The following RNGTT variants were observed in gnomAD, a reference collection of about 807,000 sequenced individuals.
The protein encoded by RNGTT is mRNA-capping enzyme.
A neutral mutation model predicts 79.3 loss-of-function variants in RNGTT; 33 were observed. The ratio of observed to expected loss-of-function variants is 0.42; its 90% CI spans 0.32 to 0.56. The LOEUF is 0.56. Ranked by LOEUF, RNGTT falls within the 20% of genes least tolerant of loss-of-function variation. The probability of loss-of-function intolerance (pLI) is 0.17; values close to 1 mark genes in which losing one functional copy is unlikely to be tolerated. For missense variants in RNGTT, 497 were observed against 739.1 expected (o/e 0.67, Z 3.80); for synonymous variants, 222 against 235.9 (o/e 0.94, Z 0.54).
intron 13 of RNGTT, among the ~76,000 whole-genome samples, chr6:88,715,930 A>G (rs546643829): frequency 6.6e-6 from 1 of 152,110 alleles, no homozygotes; most frequent in African/African-American, 2.4e-5. Flanking sequence ...TCTAAAACAC[A>G]AAAAGCAATG....
At chr6:88,780,657 G>T (rs556289477) in intron 12 of RNGTT, among the ~76,000 whole-genome samples, 1 of 151,926 alleles carries the variant, frequency 6.6e-6, no homozygotes, top group Non-Finnish European at 1.5e-5. Flanking sequence ...GATATGTTAG[G>T]TGTAAACGTA....
At chr6:88,850,212 T>A (rs1336366842) in intron 9 of RNGTT, among the ~76,000 whole-genome samples, 4 of 152,030 alleles carry the variant, frequency 2.6e-5, no homozygotes, top group Admixed American at 2.0e-4. Flanking sequence ...AATTTTGTTA[T>A]ACACCAATTA....
rs895642731 is a variant in RNGTT at position 88,762,177 on chromosome 6, C to A, written c.1439+7597G>T. ...AAATCTAAGTGTGACGGTATGTCCA[C>A]AAATACAACCTGCGGTTATTTTCCA... On this transcript the variant is annotated intron_variant, in intron 13 of 15. Coordinates refer to ENST00000369485, the MANE Select transcript of RNGTT (RefSeq NM_003800.5). 2.0e-5 allele frequency among the ~76,000 whole-genome samples: 3 copies of A among 152,082 alleles called. No individual in the cohort carries two copies. In the South Asian group the frequency reaches 6.2e-4, roughly 32 times the overall value.
chr6:88,908,858 G>A (rs931206872), intron 4 of RNGTT, among the ~76,000 whole-genome samples: 1 of 152,156 alleles, frequency 6.6e-6, no homozygotes, highest in Non-Finnish European at 1.5e-5. Flanking sequence ...TGCCTGCCTG[G>A]CTGCTCCTGC....
intron 11 of RNGTT, among the ~76,000 whole-genome samples, chr6:88,832,928 GA>G (rs955662077): frequency 2.0e-5 from 3 of 152,168 alleles, no homozygotes; most frequent in African/African-American, 7.2e-5. Context: ...GGAAACAACA[GA>G]TGCTGGAGAG....
At chr6:88,906,318 AT>A (rs754560587) in intron 5 of RNGTT, 46 bp downstream of exon 5, 6 of 1,292,428 alleles carry the variant, frequency 4.6e-6, no homozygotes, top group Non-Finnish European at 6.5e-6. Flanking sequence ...TATCAATAAA[AT>A]TTTTTATTAC....
At chr6:88,943,497 G>A (rs1784913725) in intron 1 of RNGTT, among the ~76,000 whole-genome samples, 1 of 151,758 alleles carries the variant, frequency 6.6e-6, no homozygotes, top group African/African-American at 2.4e-5. Context: ...TAGTTTAACA[G>A]ATATATAGTG....
intron 11 of RNGTT, among the ~76,000 whole-genome samples, chr6:88,835,975 AACACACACACACACACACACACAC>A (rs72228554): frequency 2.6e-5 from 3 of 113,764 alleles, no homozygotes; most frequent in African/African-American, 3.5e-5. Context: ...CTCTATTAAA[AACACACACACACACACACACACAC>A]ACACACACAC....
intron 8 of RNGTT, among the ~76,000 whole-genome samples, chr6:88,871,510 G>T (rs911516088): frequency 1.3e-5 from 2 of 152,174 alleles, no homozygotes; most frequent in Admixed American, 6.5e-5. Flanking sequence ...GAATATGGCA[G>T]AAGTGGATTG....
At chr6:88,673,001 C>T (rs143092457) in intron 14 of RNGTT, among the ~76,000 whole-genome samples, 8 of 152,312 alleles carry the variant, frequency 5.3e-5, no homozygotes, top group African/African-American at 1.7e-4. Context: ...ATTCATTTAA[C>T]ATGTGGCCAA....
intron 11 of RNGTT, among the ~76,000 whole-genome samples, chr6:88,837,413 C>A (rs573465394): frequency 3.9e-4 from 59 of 151,156 alleles, no homozygotes; most frequent in Middle Eastern, 3.4e-3. Context: ...ACAACAACAA[C>A]AAAAAAAAGC....
At chr6:88,797,058 G>C (rs1391365721) in intron 12 of RNGTT, among the ~76,000 whole-genome samples, 7 of 151,948 alleles carry the variant, frequency 4.6e-5, no homozygotes, top group African/African-American at 1.7e-4. Flanking sequence ...AAATTCAAAG[G>C]CACTCCAATT....
chr6:88,825,660 G>C lies in RNGTT; in HGVS notation c.1269+18697C>G, dbSNP rs370373550. On this transcript the variant is annotated intron_variant, in intron 11 of 15. Transcript: ENST00000369485. Reference sequence around the variant, plus strand: ...TGTTTTGTGTCTACAACCAAACTTTGTTATACAGTGGTACTGTTTCTTCCA... The same window carrying C: ...TGTTTTGTGTCTACAACCAAACTTTCTTATACAGTGGTACTGTTTCTTCCA... Among the ~76,000 whole-genome samples, 4 of 152,214 alleles carry C rather than the reference G, an allele frequency of 2.6e-5. No homozygotes were observed. The East Asian group carries it at 5.8e-4, about 22-fold the overall frequency.
chr6:88,777,189 G>C (rs1270420330), intron 12 of RNGTT, among the ~76,000 whole-genome samples: 1 of 151,996 alleles, frequency 6.6e-6, no homozygotes, highest in Admixed American at 6.6e-5. Flanking sequence ...CCTCTATTCT[G>C]GTCCACTGGT....
chr6:88,928,892 A>G, intron 4 of RNGTT, 93 bp downstream of exon 4: 1 of 872,390 alleles, frequency 1.1e-6, no homozygotes. Flanking sequence ...TAAAACAGAA[A>G]AAACTTTCAT....
chr6:88,861,836 T>C (rs1220389726), intron 8 of RNGTT, among the ~76,000 whole-genome samples: 1 of 152,172 alleles, frequency 6.6e-6, no homozygotes, highest in Non-Finnish European at 1.5e-5. Flanking sequence ...ATAGTTTTCA[T>C]AAACTTCTTA....
At chr6:88,825,840 G>A (rs1189867603) in intron 11 of RNGTT, among the ~76,000 whole-genome samples, 1 of 152,076 alleles carries the variant, frequency 6.6e-6, no homozygotes, top group African/African-American at 2.4e-5. Flanking sequence ...CATATAAATT[G>A]TTTGCATTTT....
At chr6:88,815,948 A>G (rs1168774836) in intron 11 of RNGTT, among the ~76,000 whole-genome samples, 1 of 152,250 alleles carries the variant, frequency 6.6e-6, no homozygotes, top group Admixed American at 6.5e-5. Context: ...ATAAAAAAGT[A>G]TAACATTTCC....
At chr6:88,940,488 G>A (rs1189978090) in intron 2 of RNGTT, among the ~76,000 whole-genome samples, 1 of 152,210 alleles carries the variant, frequency 6.6e-6, no homozygotes, top group Non-Finnish European at 1.5e-5. Flanking sequence ...GATGCATGCA[G>A]TAGTGTAGTC....
Sources: allele counts gnomAD v4.1 joint callset (sites outside exome capture counted in the v4.1 genomes callset), GRCh38; gene constraint gnomAD v4.1.1; transcripts MANE v1.5; gene names NCBI Gene and HGNC (gene_info 2026-07-23, HGNC 2026-07-21).